Variants in RARB observed in about 807,000 individuals in gnomAD.
The protein encoded by RARB is HBV-activated protein.
Under a neutral mutation model 51.9 loss-of-function variants are expected in RARB, and 17 were observed. The observed-to-expected ratio is 0.33, with a 90% confidence interval of 0.22 to 0.49. RARB has a LOEUF of 0.49. RARB is among the 20% of genes least tolerant of loss of function. The pLI is 0.99. For missense variants in RARB, 369 were observed against 550.8 expected, an observed-to-expected ratio of 0.67 and a Z score of 3.30; for synonymous variants, 215 against 195.4, an observed-to-expected ratio of 1.10 and a Z score of -0.84.
intron 2 of RARB, among the ~76,000 whole-genome samples, chr3:24,920,834 C>G (rs1234348031): frequency 6.6e-6 from 1 of 152,192 alleles, no homozygotes; most frequent in Non-Finnish European, 1.5e-5. Context: ...TAATTGGATA[C>G]TGCATTTATA....
chr3:24,856,922 A>G (rs1271662928), intron 1 of RARB, among the ~76,000 whole-genome samples: 3 of 152,186 alleles, frequency 2.0e-5, no homozygotes, highest in African/African-American at 7.2e-5. Flanking sequence ...AGGAGTGTCA[A>G]GATGAGCTTT....
In RARB at chr3:25,097,041, G is replaced by C. The variant is rs533882249; in HGVS notation, c.-327-35120G>C. ...CCACCTCAGAAATCTTGCTTTATAG[G>C]TTATTCCTTTTAGTTCTTTTGTAGC... On this transcript the variant is annotated intron_variant, in intron 3 of 11. Coordinates refer to the RARB transcript ENST00000383772. Among the ~76,000 whole-genome samples, 8 of 152,206 alleles carry C rather than the reference G, an allele frequency of 5.3e-5. No individual in the cohort carries two copies. In the Middle Eastern group the frequency reaches 0.01, roughly 194 times the overall value.
rs780556731 is a variant in RARB at position 25,501,259 on chromosome 3, C to T, written c.384C>T (p.Val128=). 2 of 1,610,824 alleles carry T rather than the reference C, an allele frequency of 1.2e-6. No homozygotes were observed. The highest frequency in any genetic ancestry group is 1.1e-5 in the South Asian group (1 of 90,500). The change falls in exon 3 of 8, where the codon GTC becomes GTT. Residue 128 remains valine (V), a synonymous_variant. Coordinates refer to ENST00000330688, the MANE Select transcript of RARB (RefSeq NM_000965.5). ...ATAAGAACTGTGTTATTAATAAAGT[C>T]ACCAGGAATCGATGCCAATACTGTC... is the stretch of plus-strand genomic sequence containing the variant. ...HRDKNCVINK[V]TRNRCQYCRL... is the part of the protein sequence containing the mutation.
intron 5 of RARB, among the ~76,000 whole-genome samples, chr3:25,238,744 A>G (rs145556106): frequency 0.022 from 3,377 of 152,150 alleles, 124 homozygotes; most frequent in African/African-American, 0.075. Context: ...GTACTTTGGG[A>G]GGCCGAGGCA....
intron 1 of RARB, among the ~76,000 whole-genome samples, chr3:24,833,750 T>C (rs1031738571): frequency 1.3e-5 from 2 of 152,232 alleles, no homozygotes. Flanking sequence ...ATCATGTACA[T>C]TGTGTCCAAG....
intron 2 of RARB, among the ~76,000 whole-genome samples, chr3:24,904,223 G>T (rs775229582): frequency 5.3e-5 from 8 of 152,110 alleles, no homozygotes; most frequent in Non-Finnish European, 1.0e-4. Flanking sequence ...GGACCATTTT[G>T]AGTATTACAT....
intron 3 of RARB, among the ~76,000 whole-genome samples, chr3:25,546,691 A>C (rs969895396): frequency 1.3e-5 from 2 of 152,176 alleles, no homozygotes; most frequent in Non-Finnish European, 2.9e-5. Context: ...GACAATTTGG[A>C]AAGTACGGAA....
At chr3:25,150,245 CATG>C (rs1700262789) in intron 4 of RARB, among the ~76,000 whole-genome samples, 1 of 151,960 alleles carries the variant, frequency 6.6e-6, no homozygotes, top group African/African-American at 2.4e-5. Context: ...ATACGCATAG[CATG>C]ATGAAACAGA....
intron 3 of RARB, among the ~76,000 whole-genome samples, chr3:25,106,459 T>G (rs989636436): frequency 1.1e-5 from 1 of 90,908 alleles, no homozygotes; most frequent in South Asian, 3.5e-4. Context: ...TTGTTTTTTG[T>G]TTTTTTTTGT....
chr3:25,361,109 G>A (rs1333391787), intron 5 of RARB, among the ~76,000 whole-genome samples: 1 of 152,112 alleles, frequency 6.6e-6, no homozygotes, highest in Non-Finnish European at 1.5e-5. Flanking sequence ...TCACTTCCAG[G>A]TACACCAATC....
intron 7 of RARB, among the ~76,000 whole-genome samples, chr3:25,595,204 G>A (rs1701770078): frequency 6.6e-6 from 1 of 152,294 alleles, no homozygotes; most frequent in East Asian, 1.9e-4. Flanking sequence ...ATTAATAGAG[G>A]TGCCTAGATC....
At chr3:25,424,317 C>T (rs540536185), upstream of RARB, among the ~76,000 whole-genome samples, 18 of 152,168 alleles carry the variant, frequency 1.2e-4, no homozygotes, top group Non-Finnish European at 2.4e-4. Context: ...GGTGTTCATA[C>T]TGAAGGGCCA....
intron 2 of RARB, among the ~76,000 whole-genome samples, chr3:24,937,959 T>A (rs1209810656): frequency 6.6e-6 from 1 of 152,202 alleles, no homozygotes; most frequent in Non-Finnish European, 1.5e-5. Flanking sequence ...GAAGGGTGAC[T>A]GTATTTACTG....
At chr3:25,346,505 C>T (rs1705398903) in intron 5 of RARB, among the ~76,000 whole-genome samples, 1 of 151,408 alleles carries the variant, frequency 6.6e-6, no homozygotes, top group African/African-American at 2.5e-5. Flanking sequence ...TTTATCTCTA[C>T]TCCCTGTTTC....
Position 25,194,654 on chromosome 3 carries a change from TTA to T in RARB, c.178+20080_178+20081del, listed in dbSNP as rs200046263. Among the ~76,000 whole-genome samples, 854 of 151,740 alleles carry T rather than the reference TTA, an allele frequency of 5.6e-3. 7 individuals are homozygous for T. Among genetic ancestry groups the T allele is most frequent in the African/African-American group, 0.02 (825 of 41,474 alleles). ...CCTTGAGAACAAGGTCTTTTTTTTT[TTA>T]ATTTAAGTCTCCAATTCCCAATGCA... On this transcript the variant is annotated intron_variant, in intron 5 of 11. Transcript: ENST00000383772.
At chr3:25,175,638 T>C (rs1347559) in intron 5 of RARB, among the ~76,000 whole-genome samples, 97,003 of 152,042 alleles carry the variant, frequency 0.64, 31,122 homozygotes, top group East Asian at 0.72. Context: ...GGTGTTTGGA[T>C]GGACGAACAG....
chr3:25,482,521 A>ATTTTTT lies in RARB; in HGVS notation c.307-18630_307-18625dup, dbSNP rs71087718. 3.0e-3 allele frequency among the ~76,000 whole-genome samples: 200 copies of ATTTTTT among 65,784 alleles called. 38 individuals carry two copies. Among genetic ancestry groups the ATTTTTT allele is most frequent in the African/African-American group, 0.013 (190 of 14,276 alleles). 43.2% of individuals were successfully genotyped at this position (65,784 alleles called of 152,430 possible). A position where few individuals can be genotyped will look rare whatever the true frequency, so the allele number is the denominator to read the frequency against. On this transcript the variant is annotated intron_variant, in intron 2 of 7. Coordinates refer to ENST00000330688, the MANE Select transcript of RARB (RefSeq NM_000965.5). ...TAACTTTAAATTTTCTAGCAGCCAA[A>ATTTTTT]TTTTTTTTTTTTTTTTTTTTTTTTT...
intron 2 of RARB, among the ~76,000 whole-genome samples, chr3:24,921,616 C>A (rs1000953660): frequency 1.3e-5 from 2 of 152,098 alleles, no homozygotes; most frequent in African/African-American, 4.8e-5. Flanking sequence ...AGCACCCAAT[C>A]AGCGAGGAGG....
intron 5 of RARB, among the ~76,000 whole-genome samples, chr3:25,303,161 C>T (rs1015071928): frequency 6.6e-6 from 1 of 152,148 alleles, no homozygotes; most frequent in Non-Finnish European, 1.5e-5. Flanking sequence ...GCAGTTCCAG[C>T]CCCAAAGCCT....
Sources: gnomAD v4.1 joint callset for allele counts (sites outside exome capture counted in the v4.1 genomes callset) on GRCh38, gnomAD v4.1.1 for gene constraint, MANE v1.5 for transcripts, NCBI Gene and HGNC (gene_info 2026-07-23, HGNC 2026-07-21) for gene names.